CNTNAP3: variants seen among roughly 807,000 people sequenced by gnomAD.
CNTNAP3 encodes the protein contactin-associated protein-like 3.
In CNTNAP3, 36 loss-of-function variants were observed where a neutral mutation model predicts 92.1. That is an observed-to-expected ratio of 0.39 (90% confidence interval 0.30 to 0.52). The LOEUF (loss-of-function observed/expected upper bound fraction) is 0.52. CNTNAP3 is among the 20% of genes least tolerant of loss of function. The probability of loss-of-function intolerance (pLI) is 0.76; values close to 1 mark genes in which losing one functional copy is unlikely to be tolerated. For synonymous variants in CNTNAP3, 232 were observed against 422.3 expected, an observed-to-expected ratio of 0.55 and a Z score of 5.53; for missense variants, 534 against 1,069.6, an observed-to-expected ratio of 0.50 and a Z score of 6.98.
chr9:39,260,500 G>T lies in CNTNAP3; in HGVS notation c.196+6396C>A, dbSNP rs1200950156. On this transcript the variant is annotated intron_variant, in intron 2 of 23. Coordinates refer to ENST00000297668, the MANE Select transcript of CNTNAP3 (RefSeq NM_033655.5). ...GGAGGCCGAGAAAGGTGGATCACGA[G>T]ATCAGGAGATTGAGACCATCCTGGC... Among the ~76,000 whole-genome samples, 3 of 18,524 alleles carry T rather than the reference G, an allele frequency of 1.6e-4. 1 individual carries two copies. The highest frequency in any genetic ancestry group is 4.4e-4 in the African/African-American group (3 of 6,892). The allele number at this position is 18,524 out of a possible 152,430, so 12.2% of individuals were successfully genotyped here.
chr9:39,144,992 TTCATAGGGAACCTCAAG>T (rs1821665617), intron 10 of CNTNAP3, among the ~76,000 whole-genome samples: 1 of 143,976 alleles, frequency 6.9e-6, no homozygotes, highest in African/African-American at 2.5e-5. Context: ...CATCCTAAAA[TTCATAGGGAACCTCAAG>T]GGACCCTGAA....
chr9:39,142,908 C>T (rs1224917700), intron 11 of CNTNAP3, among the ~76,000 whole-genome samples: 1 of 151,846 alleles, frequency 6.6e-6, no homozygotes, highest in East Asian at 1.9e-4. Flanking sequence ...AATCAAATGT[C>T]TCACGGAAGA....
chr9:39,148,659 G>A (rs1208203234), intron 10 of CNTNAP3, among the ~76,000 whole-genome samples: 2 of 151,772 alleles, frequency 1.3e-5, no homozygotes, highest in African/African-American at 4.8e-5. Flanking sequence ...CCGAGTAGCT[G>A]GAACTACAGG....
intron 14 of CNTNAP3, among the ~76,000 whole-genome samples, chr9:39,110,942 C>A (rs940279448): frequency 6.6e-6 from 1 of 152,036 alleles, no homozygotes; most frequent in African/African-American, 2.4e-5. Flanking sequence ...GCCCAGTTCT[C>A]AAACCTTCTT....
chr9:39,098,769 T>C (rs1436980585), intron 18 of CNTNAP3, among the ~76,000 whole-genome samples: 1 of 152,124 alleles, frequency 6.6e-6, no homozygotes, highest in Non-Finnish European at 1.5e-5. Context: ...TCAAAATTTT[T>C]TTGAAAGTCA....
At chr9:39,114,514 A>G (rs571474350) in intron 14 of CNTNAP3, among the ~76,000 whole-genome samples, 2,203 of 152,194 alleles carry the variant, frequency 0.014, 52 homozygotes, top group African/African-American at 0.049. Context: ...TGTCTGACAT[A>G]ATACAGCTGT....
rs555008517 is a variant in CNTNAP3, at chr9:39,073,910, A to G, written c.3847T>C (p.Ser1283Pro). The change falls in exon 24 of 24, where the codon TCA (serine) becomes CCA (proline). Residue 1283 changes from serine to proline, a missense_variant. Coordinates refer to ENST00000297668, the MANE Select transcript of CNTNAP3 (RefSeq NM_033655.5). ...CTGTCCTAGCACTCTTCTTTTTTTG[A>G]GACTTTTGACTCATTTTCTTTGCGT... ...KLRKENESKV[S>P]KKEEC 6.3e-7 allele frequency: 1 copy of G among 1,596,794 alleles called. No homozygotes were observed. The highest frequency in any genetic ancestry group is 2.2e-5 in the East Asian group (1 of 44,892).
At chr9:39,086,565 G>C (rs1346044067) in intron 20 of CNTNAP3, 151 bp downstream of exon 20, 9 of 977,076 alleles carry the variant, frequency 9.2e-6, no homozygotes, top group Non-Finnish European at 1.3e-5. Context: ...CTCTCTCCCA[G>C]ATCCTGGCCA....
At position 39,085,813 on chromosome 9, in the gene CNTNAP3, C is replaced by T. The variant is rs372421268; in HGVS notation, c.3365G>A (p.Ser1122Asn). The T allele has an allele frequency of 1.2e-4, 190 of 1,555,774 alleles. 7 individuals are homozygous for T. The highest frequency in any genetic ancestry group is 1.5e-4 in the Non-Finnish European group (170 of 1,137,854). Residue 1122 changes from serine to asparagine, a missense_variant, in exon 21 of 24, where the codon AGC (serine) becomes AAC (asparagine). Coordinates refer to ENST00000297668, the MANE Select transcript of CNTNAP3 (RefSeq NM_033655.5). Reference sequence around the variant, plus strand: ...GGACAAGATGACTTGTTTCTTTGTGCTCTGGTTAACCTATTAGATGTCCCA... The same window carrying T: ...GGACAAGATGACTTGTTTCTTTGTGTTCTGGTTAACCTATTAGATGTCCCA... ...EAVVMVEVNQSTKKQVILSSG... is the reference protein window; with the variant it reads ...EAVVMVEVNQNTKKQVILSSG...
At chr9:39,095,097 T>C (rs1254196054) in intron 18 of CNTNAP3, among the ~76,000 whole-genome samples, 1 of 151,696 alleles carries the variant, frequency 6.6e-6, no homozygotes, top group Non-Finnish European at 1.5e-5. Context: ...TTTGATGATA[T>C]TGCAAATGGA....
rs1185532846 is a variant in CNTNAP3 at position 39,066,241 on chromosome 9, C to T, written c.*7649G>A. 6.6e-6 allele frequency among the ~76,000 whole-genome samples: 1 copy of T among 152,224 alleles called. No individual in the cohort carries two copies. Among genetic ancestry groups the T allele is most frequent in the African/African-American group, 2.4e-5 (1 of 41,452 alleles). On this transcript the variant is annotated 3_prime_UTR_variant, in exon 24 of 24. Coordinates refer to ENST00000297668, the MANE Select transcript of CNTNAP3 (RefSeq NM_033655.5). ...AATAGGCATTATACGACTTTACACA[C>T]AGTCTAAGAACCTTACAAACTAAAC...
chr9:39,090,231 G>A (rs558793605), intron 18 of CNTNAP3, among the ~76,000 whole-genome samples: 6 of 152,320 alleles, frequency 3.9e-5, no homozygotes, highest in Admixed American at 6.5e-5. Context: ...GAGCCACCAC[G>A]CACAGCATCT....
rs923672238 is a variant in CNTNAP3, at chr9:39,070,959, G to T, written c.*2931C>A. On this transcript the variant is annotated 3_prime_UTR_variant, in exon 24 of 24. Transcript: ENST00000297668. ...TCTGCTAAATAATACTGGGAAGGCA[G>T]GAAGGTGGGCTTCTCTATGGATTGA... is the stretch of plus-strand genomic sequence containing the variant. Among the ~76,000 whole-genome samples the T allele has an allele frequency of 1.1e-4, 17 of 152,234 alleles. No homozygotes were observed. Among genetic ancestry groups the T allele is most frequent in the African/African-American group, 4.1e-4 (17 of 41,476 alleles).
At position 39,070,342 on chromosome 9, in the gene CNTNAP3, G is replaced by C. The variant is rs1825611404; in HGVS notation, c.*3548C>G. The stretch of plus-strand genomic sequence containing the variant: ...GTACTCTTCAGCCATAAAAGAGAAT[G>C]AGATCCTGTCACTTGCGACAGCATG... On this transcript the variant is annotated 3_prime_UTR_variant, in exon 24 of 24. Transcript: ENST00000297668. 7.7e-6 allele frequency among the ~76,000 whole-genome samples: 1 copy of C among 130,278 alleles called. No individual in the cohort carries two copies. Among genetic ancestry groups the C allele is most frequent in the Non-Finnish European group, 1.6e-5 (1 of 63,058 alleles). The allele number at this position is 130,278 out of a possible 152,430, so 85.5% of individuals were successfully genotyped here. A position where few individuals can be genotyped will look rare whatever the true frequency, so the allele number is the denominator to read the frequency against.
Position 39,070,716 on chromosome 9 carries a change from G to C in CNTNAP3, c.*3174C>G, listed in dbSNP as rs1825618734. 1.3e-5 allele frequency among the ~76,000 whole-genome samples: 2 copies of C among 152,032 alleles called. No homozygotes were observed. Among genetic ancestry groups the C allele is most frequent in the African/African-American group, 4.8e-5 (2 of 41,394 alleles). On this transcript the variant is annotated 3_prime_UTR_variant, in exon 24 of 24. Coordinates refer to ENST00000297668, the MANE Select transcript of CNTNAP3 (RefSeq NM_033655.5). ...CACAAAGGATAAATGTTGAGGGGAT[G>C]GATACCCCATTCTCCATGATGTGCT...
intron 18 of CNTNAP3, among the ~76,000 whole-genome samples, chr9:39,092,275 G>A (rs1005765004): frequency 6.9e-6 from 1 of 144,170 alleles, no homozygotes; most frequent in African/African-American, 2.5e-5. Flanking sequence ...ATTATTTCCT[G>A]TTTCTCCTTA....
chr9:39,113,366 A>C (rs1820756596), intron 14 of CNTNAP3, among the ~76,000 whole-genome samples: 1 of 152,158 alleles, frequency 6.6e-6, no homozygotes, highest in Non-Finnish European at 1.5e-5. Context: ...ATTCCACAGA[A>C]CTTTACATTT....
At position 39,143,939 on chromosome 9, in the gene CNTNAP3, C is replaced by T. The variant is rs192538717; in HGVS notation, c.1756+301G>A. Among the ~76,000 whole-genome samples the T allele has an allele frequency of 5.3e-3, 806 of 152,282 alleles. 10 individuals are homozygous for T. The highest frequency in any genetic ancestry group is 0.019 in the African/African-American group (772 of 41,550). On this transcript the variant is annotated intron_variant, in intron 11 of 23. Transcript: ENST00000297668. ...ACTCAAGTAATGGAACAAGCTGTTA[C>T]ATCATGCATTTTTAATTTAATTTAG...
At chr9:39,151,735 ATAAC>A (rs1366189504) in intron 9 of CNTNAP3, among the ~76,000 whole-genome samples, 2 of 148,340 alleles carry the variant, frequency 1.3e-5, no homozygotes, top group African/African-American at 2.5e-5. Context: ...GAGAAATTGA[ATAAC>A]TAAATTGTAT....
Sources: allele counts gnomAD v4.1 joint callset (sites outside exome capture counted in the v4.1 genomes callset), GRCh38; gene constraint gnomAD v4.1.1; transcripts MANE v1.5; gene names NCBI Gene and HGNC (gene_info 2026-07-23, HGNC 2026-07-21).